Variants in MALRD1 observed in about 807,000 individuals in gnomAD.
The protein encoded by MALRD1 is MAM and LDL-receptor class A domain-containing protein 1.
In MALRD1, 247 loss-of-function variants were observed where a neutral mutation model predicts 242.1. The ratio of observed to expected loss-of-function variants is 1.02; its 90% CI spans 0.92 to 1.13. The LOEUF (loss-of-function observed/expected upper bound fraction) is 1.13. MALRD1 is among the 50% of genes most tolerant of loss of function. The pLI, the probability that MALRD1 is intolerant of heterozygous loss-of-function variation, is 0.00. For synonymous variants in MALRD1, 995 were observed against 866.6 expected, an observed-to-expected ratio of 1.15 and a Z score of -2.60; for missense variants, 2,989 against 2,533.1, an observed-to-expected ratio of 1.18 and a Z score of -3.86.
At chr10:19,252,196 G>A (rs984723056) in intron 18 of MALRD1, among the ~76,000 whole-genome samples, 4 of 151,982 alleles carry the variant, frequency 2.6e-5, no homozygotes, top group African/African-American at 4.8e-5. Context: ...TAGTGTCTGC[G>A]GCAGCTGAGG....
chr10:19,611,607 T>C lies in MALRD1; in HGVS notation c.6070+3705T>C, dbSNP rs141675426. On this transcript the variant is annotated intron_variant, in intron 35 of 39. Transcript: ENST00000454679. ...GATTGGGAACCTCTGCTAATGGTAA[T>C]ATTATCCCATAGATTCCCAGTTCCC... Among the ~76,000 whole-genome samples the C allele has an allele frequency of 4.6e-5, 7 of 152,120 alleles. No individual in the cohort carries two copies. The East Asian group carries it at 1.4e-3, about 30-fold the overall frequency.
intron 18 of MALRD1, among the ~76,000 whole-genome samples, chr10:19,234,930 A>G (rs983018654): frequency 1.5e-4 from 23 of 152,112 alleles, no homozygotes; most frequent in Admixed American, 1.4e-3. Context: ...GAGAGTGGGA[A>G]CTGGGAATTA....
intron 18 of MALRD1, among the ~76,000 whole-genome samples, chr10:19,226,649 G>C (rs777475980): frequency 1.3e-5 from 2 of 151,338 alleles, no homozygotes; most frequent in Non-Finnish European, 3.0e-5. Flanking sequence ...GAGGGAAGGA[G>C]GAATGGACAG....
chr10:19,536,734 A>G (rs1054143285), intron 32 of MALRD1, among the ~76,000 whole-genome samples: 1 of 152,168 alleles, frequency 6.6e-6, no homozygotes, highest in Admixed American at 6.6e-5. Flanking sequence ...CTGAACATTA[A>G]TTACATTAAT....
chr10:19,430,013 G>C (rs950046635), intron 28 of MALRD1, among the ~76,000 whole-genome samples: 1 of 151,038 alleles, frequency 6.6e-6, no homozygotes, highest in Non-Finnish European at 1.5e-5. Context: ...CAACATCTCA[G>C]ACTATTCGAG....
chr10:19,350,897 A>G (rs1564585125), intron 25 of MALRD1, among the ~76,000 whole-genome samples: 1 of 152,146 alleles, frequency 6.6e-6, no homozygotes, highest in East Asian at 1.9e-4. Context: ...TCTCACTCAA[A>G]TGAGTCATGG....
intron 38 of MALRD1, among the ~76,000 whole-genome samples, chr10:19,703,845 A>G (rs1833730525): frequency 6.6e-6 from 1 of 152,218 alleles, no homozygotes; most frequent in Non-Finnish European, 1.5e-5. Flanking sequence ...CAGTGAGCTG[A>G]GATTGTGCCA....
intron 32 of MALRD1, among the ~76,000 whole-genome samples, chr10:19,553,521 C>G (rs967659745): frequency 2.6e-5 from 4 of 151,978 alleles, no homozygotes; most frequent in African/African-American, 9.7e-5. Flanking sequence ...TAACTAAATT[C>G]TCTGATTTCT....
At chr10:19,441,040 C>A (rs958545446) in intron 28 of MALRD1, among the ~76,000 whole-genome samples, 11 of 152,128 alleles carry the variant, frequency 7.2e-5, no homozygotes, top group African/African-American at 2.7e-4. Flanking sequence ...TCCATTCTAA[C>A]TGGTGTGAGA....
intron 18 of MALRD1, among the ~76,000 whole-genome samples, chr10:19,249,240 G>A (rs955120389): frequency 5.3e-4 from 80 of 151,716 alleles, no homozygotes; most frequent in African/African-American, 1.5e-3. Context: ...AATGGAAAAA[G>A]GAGGACAGTC....
intron 28 of MALRD1, among the ~76,000 whole-genome samples, chr10:19,436,587 A>G (rs1834358449): frequency 6.6e-6 from 1 of 152,188 alleles, no homozygotes; most frequent in South Asian, 2.1e-4. Flanking sequence ...ACCAGAGTAC[A>G]GTGCTTACGT....
chr10:19,433,892 GCACA>G lies in MALRD1; in HGVS notation c.4846-16406_4846-16403del, dbSNP rs1180050893. On this transcript the variant is annotated intron_variant, in intron 28 of 39. Coordinates refer to ENST00000454679, the MANE Select transcript of MALRD1 (RefSeq NM_001142308.3). The stretch of plus-strand genomic sequence containing the variant: ...GGCAAACACACACACACACACACGC[GCACA>G]CACACACAGGGATATTTATATCATA... Among the ~76,000 whole-genome samples, 3 of 151,302 alleles carry G rather than the reference GCACA, an allele frequency of 2.0e-5. No individual in the cohort carries two copies. The East Asian group carries it at 5.8e-4, about 29-fold the overall frequency.
At chr10:19,433,123 A>G (rs900025971) in intron 28 of MALRD1, among the ~76,000 whole-genome samples, 1 of 152,166 alleles carries the variant, frequency 6.6e-6, no homozygotes, top group African/African-American at 2.4e-5. Context: ...TTATCTAATC[A>G]AAGAGACAGA....
At chr10:19,050,173 C>T (rs1374222139) in intron 1 of MALRD1, among the ~76,000 whole-genome samples, 5 of 147,618 alleles carry the variant, frequency 3.4e-5, no homozygotes, top group Admixed American at 2.0e-4. Flanking sequence ...CTGCAAGCTC[C>T]GCCTCCCGGG....
intron 33 of MALRD1, among the ~76,000 whole-genome samples, chr10:19,587,559 C>A (rs12264616): frequency 6.6e-6 from 1 of 152,176 alleles, no homozygotes; most frequent in Non-Finnish European, 1.5e-5. Context: ...GAGCACATTT[C>A]ATTGAATTTC....
chr10:19,549,973 C>A (rs1444338915), intron 32 of MALRD1, among the ~76,000 whole-genome samples: 1 of 152,126 alleles, frequency 6.6e-6, no homozygotes, highest in African/African-American at 2.4e-5. Flanking sequence ...CTCTATATCA[C>A]AAATAATCAC....
intron 18 of MALRD1, among the ~76,000 whole-genome samples, chr10:19,231,762 T>A (rs1396381013): frequency 1.3e-5 from 2 of 152,178 alleles, no homozygotes; most frequent in Non-Finnish European, 2.9e-5. Context: ...GGGTATGACT[T>A]TATTAGCAGC....
intron 28 of MALRD1, among the ~76,000 whole-genome samples, chr10:19,436,015 C>G (rs1053949340): frequency 2.0e-5 from 3 of 152,098 alleles, no homozygotes; most frequent in African/African-American, 7.2e-5. Context: ...GTTGTTCCAG[C>G]TTTGGGCACA....
At chr10:19,339,062 A>G (rs1301428043) in intron 24 of MALRD1, among the ~76,000 whole-genome samples, 1 of 151,692 alleles carries the variant, frequency 6.6e-6, no homozygotes, top group African/African-American at 2.4e-5. Flanking sequence ...ACACATAAAT[A>G]CACATACACA....
Sources: gnomAD v4.1 joint callset for allele counts (sites outside exome capture counted in the v4.1 genomes callset) on GRCh38, gnomAD v4.1.1 for gene constraint, MANE v1.5 for transcripts, NCBI Gene and HGNC (gene_info 2026-07-23, HGNC 2026-07-21) for gene names.